Variants in TAFA1 observed in about 807,000 individuals in gnomAD.
TAFA1 encodes chemokine-like protein TAFA-1.
A neutral mutation model predicts 18.5 loss-of-function variants in TAFA1; 4 were observed. The observed-to-expected ratio is 0.22, with a 90% CI of 0.11 to 0.49. The LOEUF (loss-of-function observed/expected upper bound fraction) is 0.49. TAFA1 is among the 20% of genes least tolerant of loss of function. The pLI, the probability that TAFA1 is intolerant of heterozygous loss-of-function variation, is 0.98. For synonymous variants in TAFA1, 56 were observed against 55.2 expected, an observed-to-expected ratio of 1.01 and a Z score of -0.06; for missense variants, 147 against 169.0, an observed-to-expected ratio of 0.87 and a Z score of 0.72.
chr3:68,370,492 A>ATATACG (rs2069680851), intron 2 of TAFA1, among the ~76,000 whole-genome samples: 3 of 85,298 alleles, frequency 3.5e-5, no homozygotes, highest in Non-Finnish European at 7.1e-5. Flanking sequence ...ATATATATAT[A>ATATACG]TATATATATA....
At position 68,296,043 on chromosome 3, in the gene TAFA1, T is replaced by C. The variant is rs559732514; in HGVS notation, c.119-121237T>C. Among the ~76,000 whole-genome samples, 4 of 152,288 alleles carry C rather than the reference T, an allele frequency of 2.6e-5. No individual in the cohort carries two copies. In the South Asian group the frequency reaches 8.3e-4, roughly 32 times the overall value. The stretch of plus-strand genomic sequence containing the variant: ...CTCTGTCGACAACAGATAAAGTTAA[T>C]CTTCTTTGGAAAATGAGCACCATTA... On this transcript the variant is annotated intron_variant, in intron 2 of 4. Coordinates refer to ENST00000478136, the MANE Select transcript of TAFA1 (RefSeq NM_213609.4).
chr3:68,137,919 A>G (rs555506445), intron 2 of TAFA1, among the ~76,000 whole-genome samples: 5 of 151,884 alleles, frequency 3.3e-5, no homozygotes, highest in East Asian at 1.9e-4. Flanking sequence ...TATGAAAAGT[A>G]TTTTCTTATA....
intron 2 of TAFA1, among the ~76,000 whole-genome samples, chr3:68,100,783 A>T (rs934232615): frequency 1.3e-5 from 2 of 152,180 alleles, no homozygotes; most frequent in Admixed American, 1.3e-4. Flanking sequence ...ATGAGATTTC[A>T]TCCCTCTTCT....
intron 3 of TAFA1, among the ~76,000 whole-genome samples, chr3:68,530,458 CAAAG>C (rs1328930003): frequency 6.6e-6 from 1 of 152,164 alleles, no homozygotes; most frequent in East Asian, 1.9e-4. Context: ...AAGAATCTCT[CAAAG>C]AAAGATGAAC....
intron 2 of TAFA1, among the ~76,000 whole-genome samples, chr3:68,272,050 G>A (rs1053946010): frequency 1.3e-5 from 2 of 152,190 alleles, no homozygotes; most frequent in East Asian, 3.9e-4. Flanking sequence ...GGCAATGTAT[G>A]TGGAGATCCA....
At chr3:68,245,825 G>A (rs536112252) in intron 2 of TAFA1, among the ~76,000 whole-genome samples, 1 of 152,164 alleles carries the variant, frequency 6.6e-6, no homozygotes, top group Non-Finnish European at 1.5e-5. Flanking sequence ...TATTGTCTTC[G>A]TGTTTTGCGA....
intron 3 of TAFA1, among the ~76,000 whole-genome samples, chr3:68,443,860 T>A (rs143099011): frequency 6.6e-6 from 1 of 152,230 alleles, no homozygotes; most frequent in African/African-American, 2.4e-5. Context: ...GAGTCATCTA[T>A]CCCTCACCGC....
chr3:68,454,163 T>C (rs1350408754), intron 3 of TAFA1, among the ~76,000 whole-genome samples: 1 of 152,192 alleles, frequency 6.6e-6, no homozygotes, highest in Non-Finnish European at 1.5e-5. Flanking sequence ...AAAAGAATAG[T>C]GGCAGCTTTT....
At chr3:68,128,810 G>C (rs2065503222) in intron 2 of TAFA1, among the ~76,000 whole-genome samples, 1 of 152,156 alleles carries the variant, frequency 6.6e-6, no homozygotes, top group South Asian at 2.1e-4. Context: ...TCCAAACTGA[G>C]TGCTTCCAGG....
At chr3:68,092,969 A>G (rs1384965396) in intron 2 of TAFA1, among the ~76,000 whole-genome samples, 1 of 152,186 alleles carries the variant, frequency 6.6e-6, no homozygotes, top group African/African-American at 2.4e-5. Context: ...GCTAGTTTTA[A>G]ACAGTCTCTT....
intron 2 of TAFA1, among the ~76,000 whole-genome samples, chr3:68,358,666 C>T (rs1012859732): frequency 2.0e-5 from 3 of 151,966 alleles, no homozygotes; most frequent in African/African-American, 7.2e-5. Flanking sequence ...CCTGCAGCTG[C>T]TCACAGCCCT....
chr3:68,128,399 A>T (rs1314880432), intron 2 of TAFA1, among the ~76,000 whole-genome samples: 1 of 152,198 alleles, frequency 6.6e-6, no homozygotes, highest in Non-Finnish European at 1.5e-5. Context: ...CTCCAACCAC[A>T]ACTTTATTAG....
At chr3:68,093,797 C>A (rs1386245441) in intron 2 of TAFA1, among the ~76,000 whole-genome samples, 1 of 152,012 alleles carries the variant, frequency 6.6e-6, no homozygotes, top group East Asian at 1.9e-4. Context: ...AAATAAGAAT[C>A]CAAGTTTCTT....
intron 2 of TAFA1, among the ~76,000 whole-genome samples, chr3:68,138,055 C>G (rs2065628702): frequency 6.6e-6 from 1 of 151,724 alleles, no homozygotes; most frequent in Non-Finnish European, 1.5e-5. Flanking sequence ...TTTGAAAATG[C>G]CTAATGGAAT....
chr3:68,311,958 T>A (rs2068527580), intron 2 of TAFA1, among the ~76,000 whole-genome samples: 1 of 152,206 alleles, frequency 6.6e-6, no homozygotes, highest in South Asian at 2.1e-4. Context: ...GGCATTTCCA[T>A]ACATCTGAAA....
At chr3:68,280,420 AGTCT>A (rs2067877793) in intron 2 of TAFA1, among the ~76,000 whole-genome samples, 1 of 152,192 alleles carries the variant, frequency 6.6e-6, no homozygotes, top group African/African-American at 2.4e-5. Context: ...ATTGTTAGGC[AGTCT>A]CAACATTGTA....
intron 2 of TAFA1, among the ~76,000 whole-genome samples, chr3:68,105,903 G>A (rs2106826461): frequency 6.6e-6 from 1 of 152,224 alleles, no homozygotes; most frequent in East Asian, 1.9e-4. Flanking sequence ...TTGTGGACAG[G>A]ATATGTCAGA....
At chr3:68,474,596 G>A (rs918179269) in intron 3 of TAFA1, among the ~76,000 whole-genome samples, 1 of 152,208 alleles carries the variant, frequency 6.6e-6, no homozygotes, top group African/African-American at 2.4e-5. Flanking sequence ...TGCAGTGGTT[G>A]TCAAAAGAAC....
intron 2 of TAFA1, among the ~76,000 whole-genome samples, chr3:68,134,636 G>A (rs2065585430): frequency 6.6e-6 from 1 of 152,110 alleles, no homozygotes; most frequent in Admixed American, 6.6e-5. Flanking sequence ...CATCCAGAAA[G>A]TTAGACTTTG....
Sources: allele counts gnomAD v4.1 joint callset (sites outside exome capture counted in the v4.1 genomes callset), GRCh38; gene constraint gnomAD v4.1.1; transcripts MANE v1.5; gene names NCBI Gene and HGNC (gene_info 2026-07-23, HGNC 2026-07-21).